Variants in KCNQ1 observed in about 807,000 individuals in gnomAD.
The protein encoded by KCNQ1 is potassium voltage-gated channel subfamily KQT member 1.
KCNQ1 carries 49 observed loss-of-function variants against 72.4 expected under a neutral mutation model. That is an observed-to-expected ratio of 0.68 (90% confidence interval 0.54 to 0.86). The LOEUF is 0.86. KCNQ1 is among the 40% of genes least tolerant of loss of function. The pLI is 0.00. For missense variants in KCNQ1, 790 were observed against 945.1 expected (o/e 0.84, Z 2.15); for synonymous variants, 450 against 412.6 (o/e 1.09, Z -1.10).
chr11:2,693,442 C>G (rs992604225), intron 11 of KCNQ1: 2 of 398,522 alleles, frequency 5.0e-6, no homozygotes, highest in Non-Finnish European at 8.8e-6. Flanking sequence ...CGCTGGCCCC[C>G]CATCGAGTCC....
chr11:2,600,980 A>G lies in KCNQ1; in HGVS notation c.1393+12126A>G, dbSNP rs1255312674. ...CGATGTTATTTTGATCACCAAATTG[A>G]GGCCGTTATCCACTTTTCTACCTTA... is the stretch of plus-strand genomic sequence containing the variant. On this transcript the variant is annotated intron_variant, in intron 10 of 15. Coordinates refer to ENST00000155840, the MANE Select transcript of KCNQ1 (RefSeq NM_000218.3). The surrounding 1 kb of genome is among the most constrained non-coding windows in gnomAD (Gnocchi z 5.6). 6.6e-6 allele frequency among the ~76,000 whole-genome samples: 1 copy of G among 152,004 alleles called. No individual in the cohort carries two copies. The highest frequency in any genetic ancestry group is 2.4e-5 in the African/African-American group (1 of 41,376).
At chr11:2,778,971 C>G (rs568570373) in intron 15 of KCNQ1, among the ~76,000 whole-genome samples, 1 of 152,326 alleles carries the variant, frequency 6.6e-6, no homozygotes, top group African/African-American at 2.4e-5. Flanking sequence ...CTGGCACCAT[C>G]TGCCCATGGC....
At position 2,452,858 on chromosome 11, in the gene KCNQ1, G is replaced by A. The variant is rs146755419; in HGVS notation, c.386+7374G>A. On this transcript the variant is annotated intron_variant, in intron 1 of 15. Transcript: ENST00000155840. ...TCCAACCAGTGGGGAACAGATGGGC[G>A]GCTTCATGCGTGCTGCGGGGTGGGT... is the stretch of plus-strand genomic sequence containing the variant. Among the ~76,000 whole-genome samples the A allele has an allele frequency of 1.4e-3, 217 of 152,304 alleles. 1 individual carries two copies. Among genetic ancestry groups the A allele is most frequent in the African/African-American group, 4.7e-3 (195 of 41,578 alleles).
chr11:2,470,703 G>GT (rs1376495627), intron 1 of KCNQ1, among the ~76,000 whole-genome samples: 2 of 119,432 alleles, frequency 1.7e-5, no homozygotes, highest in Admixed American at 8.7e-5. Flanking sequence ...ACTCAGTTAG[G>GT]TGGGGGGGGG....
chr11:2,733,251 TTTGTGTG>T (rs1483145215), intron 11 of KCNQ1, among the ~76,000 whole-genome samples: 1 of 109,146 alleles, frequency 9.2e-6, no homozygotes, highest in Non-Finnish European at 1.7e-5. Flanking sequence ...CTAGTGCTCC[TTTGTGTG>T]TCCAGAGGGA....
chr11:2,666,315 C>A, intron 11 of KCNQ1: 1 of 398,652 alleles, frequency 2.5e-6, no homozygotes, highest in Non-Finnish European at 4.4e-6. Flanking sequence ...CTGCAGAGAC[C>A]CCCACCAGGT....
At chr11:2,685,130 C>CT (rs1395674337) in intron 11 of KCNQ1, 1 of 398,544 alleles carries the variant, frequency 2.5e-6, no homozygotes, top group Non-Finnish European at 4.4e-6. Flanking sequence ...ATGGTCAGAG[C>CT]TAATCAGGTG....
At chr11:2,576,567 A>T (rs1026927306) in intron 6 of KCNQ1, among the ~76,000 whole-genome samples, 2 of 152,222 alleles carry the variant, frequency 1.3e-5, no homozygotes, top group East Asian at 3.8e-4. Flanking sequence ...AAAGTAAAGA[A>T]GCTGGAACCC....
chr11:2,642,198 T>C lies in KCNQ1; in HGVS notation c.1394-19763T>C. ...AGAGAGACTGCATTGAATCTGTAGA[T>C]TGCTTTGGGTAGTATGGTCATTTTA... On this transcript the variant is annotated intron_variant, in intron 10 of 15. Coordinates refer to ENST00000155840, the MANE Select transcript of KCNQ1 (RefSeq NM_000218.3). The surrounding 1 kb of genome is among the most constrained non-coding windows in gnomAD (Gnocchi z 4.3). The C allele has an allele frequency of 2.5e-6, 1 of 398,460 alleles. No homozygotes were observed. Among genetic ancestry groups the C allele is most frequent in the Non-Finnish European group, 4.4e-6 (1 of 225,978 alleles). 24.7% of individuals were successfully genotyped at this position (398,460 alleles called of 1,614,324 possible).
chr11:2,521,390 AG>A, intron 1 of KCNQ1: 1 of 413,586 alleles, frequency 2.4e-6, no homozygotes, highest in African/African-American at 2.0e-5. Flanking sequence ...GGTGTCCTCA[AG>A]GTGCCTCTCT....
Position 2,562,304 on chromosome 11 carries a change from C to T in KCNQ1, c.478-8324C>T, listed in dbSNP as rs1313238359. On this transcript the variant is annotated intron_variant, in intron 2 of 15. Transcript: ENST00000155840. The surrounding 1 kb of genome is among the most constrained non-coding windows in gnomAD (Gnocchi z 7.5). ...CCCACAAGCTCTCAGCACAGGCTGG[C>T]GGCTGGGAGCAGCTGGCCACAGGCA... 2.6e-5 allele frequency among the ~76,000 whole-genome samples: 4 copies of T among 152,146 alleles called. No homozygotes were observed. The highest frequency in any genetic ancestry group is 1.9e-4 in the East Asian group (1 of 5,194).
Position 2,712,811 on chromosome 11 carries a change from G to A in KCNQ1, c.1514+50730G>A, listed in dbSNP as rs568002110. On this transcript the variant is annotated intron_variant, in intron 11 of 15. Coordinates refer to ENST00000155840, the MANE Select transcript of KCNQ1 (RefSeq NM_000218.3). This position sits in a 1 kb window ranked among gnomAD's most constrained non-coding sequence, Gnocchi z 6.4. Reference sequence around the variant, plus strand: ...GGACTCCCTCACAGCCTCTGGGTTGGGAGCACACATGGCATCTCCTAGAGA... The same window carrying A: ...GGACTCCCTCACAGCCTCTGGGTTGAGAGCACACATGGCATCTCCTAGAGA... 1.1e-4 allele frequency among the ~76,000 whole-genome samples: 16 copies of A among 152,278 alleles called. No individual in the cohort carries two copies. In the South Asian group the frequency reaches 3.3e-3, roughly 32 times the overall value.
In KCNQ1 at chr11:2,462,797, GGAGCAGAAA is replaced by G. The variant is rs1438714413; in HGVS notation, c.386+17315_386+17323del. ...GGGCAGGGAAGGCCTGGAGGTTTGA[GGAGCAGAAA>G]GTAGACCCTTGACCCTCCCTGGGCT... On this transcript the variant is annotated intron_variant, in intron 1 of 15. Transcript: ENST00000155840. This position sits in a 1 kb window ranked among gnomAD's most constrained non-coding sequence, Gnocchi z 8.2. Among the ~76,000 whole-genome samples, 1 of 152,172 alleles carries G rather than the reference GGAGCAGAAA, an allele frequency of 6.6e-6. No homozygotes were observed. Among genetic ancestry groups the G allele is most frequent in the Non-Finnish European group, 1.5e-5 (1 of 68,034 alleles).
rs947470335 is a variant in KCNQ1 at position 2,559,991 on chromosome 11, G to A, written c.478-10637G>A. On this transcript the variant is annotated intron_variant, in intron 2 of 15. Coordinates refer to ENST00000155840, the MANE Select transcript of KCNQ1 (RefSeq NM_000218.3). This position sits in a 1 kb window ranked among gnomAD's most constrained non-coding sequence, Gnocchi z 4.9. ...TCAGAGAGGGGCAGCCAGACCAGGA[G>A]GAGCTCCAGAGGTGCCCTGTGGGGA... is the stretch of plus-strand genomic sequence containing the variant. Among the ~76,000 whole-genome samples the A allele has an allele frequency of 1.3e-5, 2 of 151,428 alleles. No homozygotes were observed. The highest frequency in any genetic ancestry group is 2.4e-5 in the African/African-American group (1 of 41,152).
chr11:2,800,153 C>A (rs1432946083), intron 15 of KCNQ1, among the ~76,000 whole-genome samples: 1 of 152,214 alleles, frequency 6.6e-6, no homozygotes, highest in Non-Finnish European at 1.5e-5. Flanking sequence ...GAGCCCACAG[C>A]CCCACCCAAA....
intron 1 of KCNQ1, among the ~76,000 whole-genome samples, chr11:2,518,473 G>C (rs1022675674): frequency 6.6e-6 from 1 of 152,202 alleles, no homozygotes; most frequent in Non-Finnish European, 1.5e-5. Flanking sequence ...GGTGCTGCAG[G>C]CACAGGAGTT....
rs546693591 is a variant in KCNQ1, at chr11:2,515,657, G to T, written c.387-12271G>T. ...GGCAGGCCTCTCACAGAGACAAGACGAGTGTCCTAGGGCAGATAGGGCCAC... is the reference window on the plus strand; with the variant it reads ...GGCAGGCCTCTCACAGAGACAAGACTAGTGTCCTAGGGCAGATAGGGCCAC... On this transcript the variant is annotated intron_variant, in intron 1 of 15. Transcript: ENST00000155840. The surrounding 1 kb of genome is among the most constrained non-coding windows in gnomAD (Gnocchi z 4.7). Among the ~76,000 whole-genome samples, 1 of 152,106 alleles carries T rather than the reference G, an allele frequency of 6.6e-6. No homozygotes were observed. Among genetic ancestry groups the T allele is most frequent in the Non-Finnish European group, 1.5e-5 (1 of 67,992 alleles).
At chr11:2,847,537 G>A (rs146945956) in intron 15 of KCNQ1, among the ~76,000 whole-genome samples, 2 of 152,316 alleles carry the variant, frequency 1.3e-5, no homozygotes, top group African/African-American at 2.4e-5. Context: ...CTCCCAGCAC[G>A]CACGGGATGG....
chr11:2,582,001 G>T (rs570990398), intron 6 of KCNQ1, among the ~76,000 whole-genome samples: 15 of 152,226 alleles, frequency 9.9e-5, no homozygotes, highest in Non-Finnish European at 1.5e-4. Flanking sequence ...CGAACGTGCG[G>T]TCAGGGCACT....
Sources: gnomAD v4.1 joint callset for allele counts (sites outside exome capture counted in the v4.1 genomes callset) on GRCh38, gnomAD v4.1.1 for gene constraint, Gnocchi (gnomAD v3.1) non-coding constraint, MANE v1.5 for transcripts, NCBI Gene and HGNC (gene_info 2026-07-23, HGNC 2026-07-21) for gene names.